The following ADAMTS20 variants were observed in gnomAD, a reference collection of about 807,000 sequenced individuals.
ADAMTS20 encodes ADAM metallopeptidase with thrombospondin type 1 motif 20.
ADAMTS20 carries 225 observed loss-of-function variants against 260.1 expected under a neutral mutation model. The ratio of observed to expected loss-of-function variants is 0.87; its 90% CI spans 0.78 to 0.97. ADAMTS20 has a LOEUF of 0.97. Among genes scored for constraint, ADAMTS20 ranks in the 50% least tolerant of loss-of-function variants. ADAMTS20 has a pLI of 0.00. For synonymous variants in ADAMTS20, 802 were observed against 769.5 expected, an observed-to-expected ratio of 1.04 and a Z score of -0.70; for missense variants, 2,400 against 2,337.7, an observed-to-expected ratio of 1.03 and a Z score of -0.55.
chr12:43,455,133 A>C (rs1941940988), intron 11 of ADAMTS20, among the ~76,000 whole-genome samples: 1 of 152,178 alleles, frequency 6.6e-6, no homozygotes, highest in Non-Finnish European at 1.5e-5. Flanking sequence ...AGTTCATACA[A>C]TTGGAATCAT....
At position 43,551,992 on chromosome 12, in the gene ADAMTS20, G is replaced by T; in HGVS notation, c.-71C>A. On this transcript the variant is annotated 5_prime_UTR_variant, in exon 1 of 39. Transcript: ENST00000389420. The surrounding 1 kb of genome is among the most constrained non-coding windows in gnomAD (Gnocchi z 4.6). ...CGGCAGCCAAGCCGGCTTCCCTCGC[G>T]CTCCGATCCCTCTCCTCCCTCTCGC... 1.5e-6 allele frequency: 2 copies of T among 1,324,098 alleles called. No homozygotes were observed. The highest frequency in any genetic ancestry group is 2.2e-6 in the Non-Finnish European group (2 of 925,158). The allele number at this position is 1,324,098 out of a possible 1,614,324, so 82.0% of individuals were successfully genotyped here. A position where few individuals can be genotyped will look rare whatever the true frequency, so the allele number is the denominator to read the frequency against.
At chr12:43,503,534 A>G (rs1942798324) in intron 3 of ADAMTS20, among the ~76,000 whole-genome samples, 2 of 152,106 alleles carry the variant, frequency 1.3e-5, no homozygotes, top group South Asian at 4.1e-4. Context: ...TAATTAATAT[A>G]AAAAATTTTA....
Position 43,376,234 on chromosome 12 carries a change from A to T in ADAMTS20, c.5220+2T>A, listed in dbSNP as rs1163107942. ...ATAAAAAAGGAACTGTTTTCATAAT[A>T]CCTTTATTATTCTTCCCTTAATGTT... On this transcript the variant is annotated splice_donor_variant, in intron 34 of 38. Transcript: ENST00000389420. LOFTEE classifies it high-confidence loss of function. 6.5e-7 allele frequency: 1 copy of T among 1,539,642 alleles called. No homozygotes were observed. The highest frequency in any genetic ancestry group is 1.4e-5 in the African/African-American group (1 of 72,628).
chr12:43,508,555 G>A (rs1219457915), intron 3 of ADAMTS20, among the ~76,000 whole-genome samples: 1 of 152,072 alleles, frequency 6.6e-6, no homozygotes, highest in Non-Finnish European at 1.5e-5. Context: ...TAGCATGGCT[G>A]GGATTCAAAT....
At chr12:43,361,959 G>C (rs1415832176) in intron 37 of ADAMTS20, among the ~76,000 whole-genome samples, 1 of 152,168 alleles carries the variant, frequency 6.6e-6, no homozygotes, top group Non-Finnish European at 1.5e-5. Flanking sequence ...GTAATGACAA[G>C]GACCAGATTT....
At chr12:43,539,506 G>A (rs193205901) in intron 2 of ADAMTS20, among the ~76,000 whole-genome samples, 106 of 152,120 alleles carry the variant, frequency 7.0e-4, no homozygotes, top group African/African-American at 2.3e-3. Context: ...CTATTTCTTG[G>A]ATACTTTTCT....
At chr12:43,460,990 T>TA (rs1942054178) in intron 11 of ADAMTS20, among the ~76,000 whole-genome samples, 408 of 27,444 alleles carry the variant, frequency 0.015, 1 homozygote, top group Middle Eastern at 0.033. Context: ...ATATATATAT[T>TA]TTTTTTTTTT....
chr12:43,421,422 A>C (rs1941236713), intron 28 of ADAMTS20, among the ~76,000 whole-genome samples: 1 of 152,056 alleles, frequency 6.6e-6, no homozygotes, highest in South Asian at 2.1e-4. Flanking sequence ...CTATTTGTTT[A>C]CCAAATATGA....
In ADAMTS20 at chr12:43,432,734, T is replaced by C; in HGVS notation, c.2798A>G (p.Lys933Arg). ...AGTCTGTCCTTCATGAATGGAATAC[T>C]TCATGCAATGGATGTCCAAGGTTCT... ...GYRTLDIHCM[K>R]YSIHEGQTVQ... Residue 933 changes from lysine (K) to arginine (R), a missense_variant, in exon 20 of 39, where the codon AAG (lysine) becomes AGG (arginine). Lys to Arg is a conservative substitution (Grantham distance 26). Coordinates refer to ENST00000389420, the MANE Select transcript of ADAMTS20 (RefSeq NM_025003.5). The C allele has an allele frequency of 6.2e-7, 1 of 1,613,996 alleles. No homozygotes were observed. The highest frequency in any genetic ancestry group is 8.5e-7 in the Non-Finnish European group (1 of 1,179,874).
At chr12:43,408,037 C>G (rs1405939269) in intron 28 of ADAMTS20, among the ~76,000 whole-genome samples, 3 of 152,078 alleles carry the variant, frequency 2.0e-5, no homozygotes, top group African/African-American at 7.2e-5. Flanking sequence ...TAACATGAAC[C>G]TTTACAAGTA....
intron 36 of ADAMTS20, among the ~76,000 whole-genome samples, chr12:43,372,839 G>A (rs1940136034): frequency 6.6e-6 from 1 of 152,178 alleles, no homozygotes; most frequent in Non-Finnish European, 1.5e-5. Flanking sequence ...ATGTGGCAGT[G>A]GGAACTTGAG....
intron 27 of ADAMTS20, among the ~76,000 whole-genome samples, chr12:43,426,782 T>C (rs993592016): frequency 6.6e-6 from 1 of 152,210 alleles, no homozygotes; most frequent in African/African-American, 2.4e-5. Context: ...AAACCAATTT[T>C]AGAAAGATAC....
At chr12:43,381,780 C>CAAAA (rs765135656) in intron 31 of ADAMTS20, among the ~76,000 whole-genome samples, 352 of 34,440 alleles carry the variant, frequency 0.01, 18 homozygotes, top group African/African-American at 0.033. Context: ...GACTGCATCT[C>CAAAA]AAAAAAAAAA....
At chr12:43,429,536 T>G in intron 24 of ADAMTS20, 81 bp downstream of exon 24, 1 of 965,248 alleles carries the variant, frequency 1.0e-6, no homozygotes, top group Non-Finnish European at 1.5e-6. Flanking sequence ...GTATACATTG[T>G]GAAATCTCTA....
At chr12:43,373,277 G>A (rs1940144789) in intron 36 of ADAMTS20, among the ~76,000 whole-genome samples, 1 of 152,216 alleles carries the variant, frequency 6.6e-6, no homozygotes, top group Non-Finnish European at 1.5e-5. Context: ...TGGCAGCTTT[G>A]TTAAAAAGCA....
At chr12:43,375,073 G>A (rs1236310457) in intron 36 of ADAMTS20, among the ~76,000 whole-genome samples, 2 of 150,624 alleles carry the variant, frequency 1.3e-5, no homozygotes, top group Non-Finnish European at 2.9e-5. Context: ...TGGGGAGGCT[G>A]AGGCAGGAGA....
At chr12:43,527,741 G>A (rs1943162631) in intron 3 of ADAMTS20, among the ~76,000 whole-genome samples, 1 of 151,990 alleles carries the variant, frequency 6.6e-6, no homozygotes, top group Non-Finnish European at 1.5e-5. Context: ...ACACTGAATG[G>A]GGAAAAGTTG....
intron 2 of ADAMTS20, among the ~76,000 whole-genome samples, chr12:43,550,327 T>C (rs960867027): frequency 1.3e-5 from 2 of 152,146 alleles, no homozygotes; most frequent in African/African-American, 4.8e-5. Context: ...ACATAACCAA[T>C]AGATCTCTGT....
intron 9 of ADAMTS20, 146 bp downstream of exon 9, chr12:43,466,504 CTT>C: frequency 1.6e-6 from 1 of 630,474 alleles, no homozygotes; most frequent in Non-Finnish European, 2.7e-6. Flanking sequence ...CACAACTCTT[CTT>C]GTTCTTAAAC....
Sources: gnomAD v4.1 joint callset for allele counts (sites outside exome capture counted in the v4.1 genomes callset) on GRCh38, gnomAD v4.1.1 for gene constraint, Gnocchi (gnomAD v3.1) non-coding constraint, MANE v1.5 for transcripts, NCBI Gene and HGNC (gene_info 2026-07-23, HGNC 2026-07-21) for gene names.